The following GALNT2 variants were observed in gnomAD, a reference collection of about 807,000 sequenced individuals.
GALNT2 encodes the protein polypeptide N-acetylgalactosaminyltransferase 2, also known as UDP-GalNAc:polypeptide N-acetylgalactosaminyltransferase 2.
Under a neutral mutation model 81.4 loss-of-function variants are expected in GALNT2, and 31 were observed. That is an observed-to-expected ratio of 0.38 (90% CI 0.29 to 0.51). The LOEUF is 0.51. GALNT2 is among the 20% of genes least tolerant of loss of function. The pLI is 0.87. For missense variants in GALNT2, 629 were observed against 765.7 expected, an observed-to-expected ratio of 0.82 and a Z score of 2.11; for synonymous variants, 303 against 287.4, an observed-to-expected ratio of 1.05 and a Z score of -0.55.
chr1:230,129,389 C>T (rs1217654030), intron 1 of GALNT2, among the ~76,000 whole-genome samples: 1 of 152,192 alleles, frequency 6.6e-6, no homozygotes, highest in African/African-American at 2.4e-5. Context: ...GTGATCGTAG[C>T]ACCCTGAGGC....
chr1:230,078,048 C>T (rs1008182624), intron 1 of GALNT2, among the ~76,000 whole-genome samples: 11 of 152,302 alleles, frequency 7.2e-5, no homozygotes, highest in Middle Eastern at 3.4e-3. Context: ...GCATTGCCGA[C>T]GTCATTGATT....
intron 3 of GALNT2, among the ~76,000 whole-genome samples, chr1:230,212,494 A>G (rs1050418373): frequency 6.6e-6 from 1 of 152,214 alleles, no homozygotes; most frequent in East Asian, 1.9e-4. Flanking sequence ...CCCTTGGAAC[A>G]TTGCTGATGC....
At chr1:230,144,140 TG>T (rs1053568209) in intron 1 of GALNT2, among the ~76,000 whole-genome samples, 17 of 152,108 alleles carry the variant, frequency 1.1e-4, no homozygotes, top group African/African-American at 3.9e-4. Flanking sequence ...CAGAGCAGGT[TG>T]GGGTAGGAGA....
intron 10 of GALNT2, 125 bp downstream of exon 10, chr1:230,250,685 C>A: frequency 1.6e-6 from 1 of 628,632 alleles, no homozygotes; most frequent in Non-Finnish European, 2.8e-6. Context: ...TCGATCCTTG[C>A]AAACACATAT....
chr1:230,120,027 G>A (rs1293216489), intron 1 of GALNT2, among the ~76,000 whole-genome samples: 3 of 152,082 alleles, frequency 2.0e-5, no homozygotes, highest in East Asian at 1.9e-4. Context: ...GCTGGGAAGC[G>A]TTTGCGGTTC....
chr1:230,078,373 A>G (rs1455203491), intron 1 of GALNT2, among the ~76,000 whole-genome samples: 1 of 152,192 alleles, frequency 6.6e-6, no homozygotes, highest in Non-Finnish European at 1.5e-5. Flanking sequence ...GTACTTTTGA[A>G]AAGTTCATTT....
At chr1:230,263,185 C>T in intron 13 of GALNT2, 180 bp downstream of exon 13, 1 of 604,310 alleles carries the variant, frequency 1.7e-6, no homozygotes, top group Admixed American at 2.9e-5. Context: ...CCAAGTTGGC[C>T]TGCTGCTGTC....
At chr1:230,224,339 T>C (rs1222200748) in intron 3 of GALNT2, among the ~76,000 whole-genome samples, 1 of 152,186 alleles carries the variant, frequency 6.6e-6, no homozygotes, top group Non-Finnish European at 1.5e-5. Context: ...ACAATAATAA[T>C]TTAGTCTCTC....
At chr1:230,241,498 G>T (rs1293953413) in intron 6 of GALNT2, among the ~76,000 whole-genome samples, 3 of 152,012 alleles carry the variant, frequency 2.0e-5, no homozygotes, top group Non-Finnish European at 4.4e-5. Context: ...TCAGGCTGGA[G>T]TGCAGTGGTG....
chr1:230,243,352 G>A lies in GALNT2; in HGVS notation c.654G>A (p.Lys218=), dbSNP rs755938044. ...GGGGGGCCGATGCTGCCCAAGCCAAGGTCCTGACCTTCCTGGACAGTCACT... is the reference window on the plus strand; with the variant it reads ...GGGGGGCCGATGCTGCCCAAGCCAAAGTCCTGACCTTCCTGGACAGTCACT... ...RVRGADAAQA[K]VLTFLDSHCE... The change falls in exon 7 of 16, where the codon AAG becomes AAA. Residue 218 remains lysine (K), a synonymous_variant. Coordinates refer to ENST00000366672, the MANE Select transcript of GALNT2 (RefSeq NM_004481.5). This position sits in a 1 kb window ranked among gnomAD's most constrained non-coding sequence, Gnocchi z 4.2. 4 of 1,611,524 alleles carry A rather than the reference G, an allele frequency of 2.5e-6. No homozygotes were observed.
chr1:230,152,024 A>C (rs1310506655), intron 1 of GALNT2, among the ~76,000 whole-genome samples: 1 of 152,116 alleles, frequency 6.6e-6, no homozygotes, highest in Admixed American at 6.6e-5. Flanking sequence ...TCCTGTGGCC[A>C]TCTTGGTTTT....
chr1:230,069,823 A>G (rs1423743383), intron 1 of GALNT2, among the ~76,000 whole-genome samples: 1 of 152,102 alleles, frequency 6.6e-6, no homozygotes, highest in African/African-American at 2.4e-5. Flanking sequence ...AAGTGGACCT[A>G]TATTTTTTCT....
intron 1 of GALNT2, among the ~76,000 whole-genome samples, chr1:230,151,098 G>A (rs1662081714): frequency 6.6e-6 from 1 of 152,194 alleles, no homozygotes; most frequent in Non-Finnish European, 1.5e-5. Flanking sequence ...GTGGAAATAT[G>A]TTCAGGATCT....
At chr1:230,181,325 GT>G (rs1188808321) in intron 2 of GALNT2, among the ~76,000 whole-genome samples, 2 of 150,806 alleles carry the variant, frequency 1.3e-5, no homozygotes, top group Admixed American at 6.7e-5. Flanking sequence ...TTGTCAAGTG[GT>G]TTTTTTGCAT....
chr1:230,240,342 C>T (rs577745038), intron 6 of GALNT2, among the ~76,000 whole-genome samples: 49 of 152,290 alleles, frequency 3.2e-4, no homozygotes, highest in African/African-American at 1.2e-3. Flanking sequence ...GCCTGTAATC[C>T]CAGCACTTTG....
chr1:230,078,361 G>T (rs1039306767), intron 1 of GALNT2, among the ~76,000 whole-genome samples: 2 of 152,090 alleles, frequency 1.3e-5, no homozygotes, highest in Non-Finnish European at 2.9e-5. Flanking sequence ...TTTTATTTTT[G>T]TGTACTTTTG....
At chr1:230,060,529 C>A (rs1659021483) in intron 1 of GALNT2, among the ~76,000 whole-genome samples, 4 of 152,196 alleles carry the variant, frequency 2.6e-5, no homozygotes, top group Middle Eastern at 6.8e-3. Context: ...CCCTCACCAC[C>A]ACCACCCCCA....
intron 1 of GALNT2, among the ~76,000 whole-genome samples, chr1:230,134,310 C>T (rs531593753): frequency 3.9e-5 from 6 of 152,046 alleles, no homozygotes; most frequent in Admixed American, 2.0e-4. Context: ...GGTTTCACCA[C>T]GTTAGCCAGG....
chr1:230,085,507 T>C (rs1226219167), intron 1 of GALNT2, among the ~76,000 whole-genome samples: 1 of 152,224 alleles, frequency 6.6e-6, no homozygotes, highest in African/African-American at 2.4e-5. Context: ...GGGCCATCCC[T>C]GTGTACAGGT....
Sources: allele counts gnomAD v4.1 joint callset (sites outside exome capture counted in the v4.1 genomes callset), GRCh38; gene constraint gnomAD v4.1.1; non-coding constraint Gnocchi (gnomAD v3.1); transcripts MANE v1.5; gene names NCBI Gene and HGNC (gene_info 2026-07-23, HGNC 2026-07-21).